JAK1: variants seen among roughly 807,000 people sequenced by gnomAD.
The protein encoded by JAK1 is Janus kinase 1, also known as tyrosine-protein kinase JAK1.
Under a neutral mutation model 136.6 loss-of-function variants are expected in JAK1, and 16 were observed. That is an observed-to-expected ratio of 0.12 (90% confidence interval 0.08 to 0.18). JAK1 has a LOEUF of 0.18. Among genes scored for constraint, JAK1 ranks in the 10% least tolerant of loss-of-function variants. JAK1 has a pLI of 1.00. For missense variants in JAK1, 859 were observed against 1,450.1 expected, an observed-to-expected ratio of 0.59 and a Z score of 6.62; for synonymous variants, 492 against 519.5, an observed-to-expected ratio of 0.95 and a Z score of 0.72.
At chr1:64,915,092 A>G (rs1645371008) in intron 1 of JAK1, among the ~76,000 whole-genome samples, 1 of 152,200 alleles carries the variant, frequency 6.6e-6, no homozygotes, top group African/African-American at 2.4e-5. Context: ...AACCACATAT[A>G]TACCTTATAG....
intron 2 of JAK1, among the ~76,000 whole-genome samples, chr1:65,034,348 T>G (rs1474927541): frequency 6.6e-6 from 1 of 152,228 alleles, no homozygotes; most frequent in Non-Finnish European, 1.5e-5. Context: ...TCATAAATTT[T>G]GTACAAAAGG....
At chr1:64,854,801 CCCTTCCACCTTCACCTT>C (rs1252010173) in intron 11 of JAK1, among the ~76,000 whole-genome samples, 5 of 152,120 alleles carry the variant, frequency 3.3e-5, no homozygotes, top group South Asian at 2.1e-4. Flanking sequence ...ACCTGCCCCT[CCCTTCCACCTTCACCTT>C]CCTTCCACCT....
chr1:65,029,681 T>C (rs962000526), intron 2 of JAK1, among the ~76,000 whole-genome samples: 5 of 152,172 alleles, frequency 3.3e-5, no homozygotes, highest in Admixed American at 1.3e-4. Context: ...AGCTGGAGGC[T>C]ATTATCCTTA....
chr1:65,040,683 C>A (rs1332924268), intron 2 of JAK1, among the ~76,000 whole-genome samples: 1 of 152,154 alleles, frequency 6.6e-6, no homozygotes, highest in African/African-American at 2.4e-5. Context: ...ATTTCAGGGC[C>A]TTCCCCATCC....
chr1:65,038,158 C>T (rs1230145097), intron 2 of JAK1, among the ~76,000 whole-genome samples: 1 of 150,058 alleles, frequency 6.7e-6, no homozygotes, highest in Non-Finnish European at 1.5e-5. Flanking sequence ...GTTTAATGCT[C>T]TTATGTTGCC....
Position 64,847,653 on chromosome 1 carries a change from G to A in JAK1, c.1778C>T (p.Thr593Met), listed in dbSNP as rs1163622258. 2 of 1,613,914 alleles carry A rather than the reference G, an allele frequency of 1.2e-6. No individual in the cohort carries two copies. Among genetic ancestry groups the A allele is most frequent in the Non-Finnish European group, 1.7e-6 (2 of 1,179,986 alleles). Residue 593 changes from threonine (T) to methionine (M), a missense_variant, in exon 13 of 25, where the codon ACG becomes ATG. Around this residue, in one of 4 missense-constraint regions of JAK1, gnomAD observed 409 missense variants for 753.8 expected, o/e 0.54. Transcript: ENST00000342505. Reference protein sequence around the residue: ...LVQGEHLGRGTRTHIYSGTLM... With the variant: ...LVQGEHLGRGMRTHIYSGTLM... ...GGTCCCAGAATAGATGTGTGTTCTCGTGCCTCTCCCAAGGTGCTCGCCCTG... is the reference window on the plus strand; with the variant it reads ...GGTCCCAGAATAGATGTGTGTTCTCATGCCTCTCCCAAGGTGCTCGCCCTG...
chr1:64,882,446 A>G (rs754967187), intron 3 of JAK1, among the ~76,000 whole-genome samples: 11 of 152,340 alleles, frequency 7.2e-5, no homozygotes, highest in African/African-American at 1.2e-4. Context: ...TATAATTTAC[A>G]TATTATAAAA....
chr1:64,977,454 C>CTTTT (rs60862617), intron 2 of JAK1, among the ~76,000 whole-genome samples: 34 of 141,442 alleles, frequency 2.4e-4, no homozygotes, highest in African/African-American at 8.0e-4. Flanking sequence ...ACCCAGCCAT[C>CTTTT]TTTTTTTTTT....
At chr1:65,064,205 AATAACTAAAT>A (rs1647942694) in intron 1 of JAK1, among the ~76,000 whole-genome samples, 1 of 152,250 alleles carries the variant, frequency 6.6e-6, no homozygotes, top group South Asian at 2.1e-4. Context: ...TAAGCTTTCC[AATAACTAAAT>A]CAAGTTATCA....
intron 12 of JAK1, among the ~76,000 whole-genome samples, chr1:64,849,952 C>T (rs1655481019): frequency 6.6e-6 from 1 of 152,146 alleles, no homozygotes; most frequent in South Asian, 2.1e-4. Flanking sequence ...CTCCCTCAAG[C>T]CCCATCCAAC....
intron 1 of JAK1, among the ~76,000 whole-genome samples, chr1:65,056,971 G>A (rs974863985): frequency 7.4e-5 from 11 of 149,226 alleles, no homozygotes; most frequent in Non-Finnish European, 1.6e-4. Flanking sequence ...TCTCTCCCTG[G>A]CCCCTCTTCT....
intron 1 of JAK1, among the ~76,000 whole-genome samples, chr1:64,915,478 G>GA (rs1420647842): frequency 6.6e-6 from 1 of 152,208 alleles, no homozygotes; most frequent in Non-Finnish European, 1.5e-5. Flanking sequence ...CTGGGGTGAA[G>GA]AAAGAGGGCC....
chr1:65,053,830 C>G (rs1369463520), intron 1 of JAK1, among the ~76,000 whole-genome samples: 1 of 152,126 alleles, frequency 6.6e-6, no homozygotes, highest in Non-Finnish European at 1.5e-5. Flanking sequence ...CCTGGGCCCC[C>G]CAAAACAGGA....
intron 20 of JAK1, 99 bp from the exon 21 acceptor site, chr1:64,838,688 C>G: frequency 3.4e-6 from 4 of 1,167,562 alleles, no homozygotes; most frequent in Non-Finnish European, 4.9e-6. Context: ...TGAGGTGACG[C>G]CAGCTTCGCC....
Position 64,971,865 on chromosome 1 carries a change from A to G in JAK1, c.-78+72615T>C, listed in dbSNP as rs1246748410. 2.6e-5 allele frequency among the ~76,000 whole-genome samples: 4 copies of G among 152,132 alleles called. No homozygotes were observed. In the South Asian group the frequency reaches 8.3e-4, roughly 32 times the overall value. ...TAAGCCACCGTGCTCGGCCTTATCT[A>G]TCATACTTTTGATATGCATTTTACG... On this transcript the variant is annotated intron_variant, in intron 2 of 25. Coordinates refer to the JAK1 transcript ENST00000671954.
chr1:64,835,751 A>G (rs1654442194), intron 23 of JAK1, among the ~76,000 whole-genome samples: 1 of 152,116 alleles, frequency 6.6e-6, no homozygotes, highest in Admixed American at 6.5e-5. Flanking sequence ...TCTGTTCCCA[A>G]GAAAATGATC....
At chr1:64,939,258 G>A (rs563215808) in intron 1 of JAK1, among the ~76,000 whole-genome samples, 2 of 152,348 alleles carry the variant, frequency 1.3e-5, no homozygotes, top group East Asian at 3.9e-4. Context: ...AACAGATCTA[G>A]GCATGAACAT....
At chr1:64,977,781 T>C (rs922679956) in intron 2 of JAK1, among the ~76,000 whole-genome samples, 3 of 152,194 alleles carry the variant, frequency 2.0e-5, no homozygotes, top group African/African-American at 7.2e-5. Context: ...CTTGCATTTG[T>C]TGAACACACT....
intron 1 of JAK1, among the ~76,000 whole-genome samples, chr1:64,965,958 G>A (rs550311492): frequency 1.2e-3 from 182 of 152,200 alleles, no homozygotes; most frequent in African/African-American, 4.0e-3. Flanking sequence ...AAGGAGCTAG[G>A]GACGTCAGCC....
Sources: gnomAD v4.1 joint callset for allele counts (sites outside exome capture counted in the v4.1 genomes callset) on GRCh38, gnomAD v4.1.1 for gene constraint, gnomAD v4.1.1 regional missense constraint, MANE v1.5 for transcripts, NCBI Gene and HGNC (gene_info 2026-07-23, HGNC 2026-07-21) for gene names.